Variants in PDE1C observed in about 807,000 individuals in gnomAD.
PDE1C encodes the protein phosphodiesterase 1C, also known as dual specificity calcium/calmodulin-dependent 3',5'-cyclic nucleotide phosphodiesterase 1C.
A neutral mutation model predicts 93.1 loss-of-function variants in PDE1C; 62 were observed. The observed-to-expected ratio is 0.67, with a 90% CI of 0.54 to 0.82. The LOEUF is 0.82. PDE1C is among the 40% of genes least tolerant of loss of function. The pLI, the probability that PDE1C is intolerant of heterozygous loss-of-function variation, is 0.00. For missense variants in PDE1C, 742 were observed against 884.6 expected, an observed-to-expected ratio of 0.84 and a Z score of 2.04; for synonymous variants, 325 against 310.1, an observed-to-expected ratio of 1.05 and a Z score of -0.50.
intron 1 of PDE1C, among the ~76,000 whole-genome samples, chr7:32,358,881 T>TTGTGTGTGTGTGTCTGTG (rs573579133): frequency 2.0e-5 from 3 of 147,568 alleles, no homozygotes; most frequent in Non-Finnish European, 3.0e-5. Context: ...TCATCTAACA[T>TTGTGTGTGTGTGTCTGTG]TGTGTGTGTG....
chr7:31,658,490 C>A, the PDE1C span: 1 of 1,096,440 alleles, frequency 9.1e-7, no homozygotes, highest in Non-Finnish European at 1.2e-6. Flanking sequence ...CAAAGTGGTG[C>A]CCCTTTGAGA....
intron 1 of PDE1C, among the ~76,000 whole-genome samples, chr7:32,372,163 T>A (rs1784346330): frequency 6.6e-6 from 1 of 151,932 alleles, no homozygotes; most frequent in Non-Finnish European, 1.5e-5. Flanking sequence ...AAGCGACTCT[T>A]GTGCCTCACC....
chr7:31,707,516 G>A, the PDE1C span: 6 of 485,054 alleles, frequency 1.2e-5, no homozygotes, highest in African/African-American at 1.2e-4. Flanking sequence ...CTAATGCAGT[G>A]GAAAAGAAAC....
intron 1 of PDE1C, among the ~76,000 whole-genome samples, chr7:32,390,574 C>T (rs1341305874): frequency 6.7e-6 from 1 of 149,874 alleles, no homozygotes; most frequent in Non-Finnish European, 1.5e-5. Flanking sequence ...TGGCCAGTCA[C>T]ACCAGTTCAT....
the PDE1C span, among the ~76,000 whole-genome samples, chr7:31,729,147 GT>G: frequency 6.6e-6 from 1 of 152,198 alleles, no homozygotes; most frequent in East Asian, 1.9e-4. Context: ...AAATGCGTAA[GT>G]TTTTAGCACC....
At chr7:31,695,685 C>A in the PDE1C span, 2 of 1,482,956 alleles carry the variant, frequency 1.3e-6, no homozygotes, top group South Asian at 1.3e-5. Flanking sequence ...TTGCATTGTT[C>A]GTACACATTT....
At chr7:31,658,513 A>G in the PDE1C span, 3 of 862,584 alleles carry the variant, frequency 3.5e-6, no homozygotes, top group Non-Finnish European at 4.7e-6. Flanking sequence ...AAAAAGTTTT[A>G]GAGTGTTTTC....
chr7:32,409,449 C>G (rs964963999), intron 1 of PDE1C, among the ~76,000 whole-genome samples: 2 of 151,888 alleles, frequency 1.3e-5, no homozygotes, highest in Non-Finnish European at 2.9e-5. Context: ...ATAAATATTT[C>G]ACACACAGTA....
chr7:32,357,759 A>C (rs1284206642), intron 1 of PDE1C, among the ~76,000 whole-genome samples: 1 of 152,172 alleles, frequency 6.6e-6, no homozygotes, highest in Non-Finnish European at 1.5e-5. Flanking sequence ...TCACTGTGGT[A>C]ACACGTAAAT....
chr7:32,186,396 C>T (rs571003385), intron 2 of PDE1C, among the ~76,000 whole-genome samples: 8 of 152,296 alleles, frequency 5.3e-5, no homozygotes, highest in Non-Finnish European at 7.4e-5. Flanking sequence ...GCCACCGCGC[C>T]CGGCCCTAAT....
the PDE1C span, among the ~76,000 whole-genome samples, chr7:31,688,322 A>G: frequency 2.0e-5 from 3 of 152,224 alleles, no homozygotes; most frequent in African/African-American, 7.2e-5. Context: ...GTTGGCTTCT[A>G]CCTTATATTG....
At chr7:31,781,766 T>C (rs979859683) in intron 16 of PDE1C, among the ~76,000 whole-genome samples, 8 of 145,216 alleles carry the variant, frequency 5.5e-5, no homozygotes, top group Non-Finnish European at 1.2e-4. Context: ...ATTCAGAGTA[T>C]TTAATGCTTT....
chr7:32,291,860 G>C (rs1053982794), intron 1 of PDE1C, among the ~76,000 whole-genome samples: 1 of 152,162 alleles, frequency 6.6e-6, no homozygotes, highest in Non-Finnish European at 1.5e-5. Context: ...TAACCAGTTT[G>C]TTTACAGATG....
chr7:31,840,638 A>T (rs1173629337), intron 9 of PDE1C, among the ~76,000 whole-genome samples: 1 of 152,156 alleles, frequency 6.6e-6, no homozygotes, highest in African/African-American at 2.4e-5. Context: ...GTATGTGATA[A>T]GGGTCAAAGT....
intron 11 of PDE1C, among the ~76,000 whole-genome samples, chr7:31,832,220 G>A (rs190672339): frequency 5.9e-5 from 9 of 152,070 alleles, no homozygotes; most frequent in East Asian, 1.9e-4. Flanking sequence ...CTATAGACAC[G>A]GATTAAATTA....
At chr7:32,340,515 AAC>A (rs1783727349) in intron 1 of PDE1C, among the ~76,000 whole-genome samples, 3 of 152,184 alleles carry the variant, frequency 2.0e-5, no homozygotes, top group South Asian at 4.1e-4. Context: ...AAGACTTTGA[AAC>A]ACACGCGAAG....
At chr7:32,221,115 G>C (rs1335541180) in intron 1 of PDE1C, among the ~76,000 whole-genome samples, 1 of 152,288 alleles carries the variant, frequency 6.6e-6, no homozygotes, top group South Asian at 2.1e-4. Flanking sequence ...AGACCCTTGA[G>C]CCTTCTCTTC....
intron 2 of PDE1C, among the ~76,000 whole-genome samples, chr7:31,899,118 C>T (rs1407024212): frequency 6.8e-6 from 1 of 147,108 alleles, no homozygotes; most frequent in Non-Finnish European, 1.5e-5. Flanking sequence ...TTACCAAGAG[C>T]ATGGGCAGTC....
chr7:31,984,634 A>T (rs2129064516), intron 2 of PDE1C, among the ~76,000 whole-genome samples: 1 of 152,322 alleles, frequency 6.6e-6, no homozygotes, highest in Middle Eastern at 3.4e-3. Context: ...TCTGCAAATT[A>T]CATAAGTGGT....
Sources: gnomAD v4.1 joint callset for allele counts (sites outside exome capture counted in the v4.1 genomes callset) on GRCh38, gnomAD v4.1.1 for gene constraint, MANE v1.5 for transcripts, NCBI Gene and HGNC (gene_info 2026-07-23, HGNC 2026-07-21) for gene names.